Variants in RILPL1 observed in about 807,000 individuals in gnomAD.
RILPL1 encodes the protein RILP-like protein 1.
In RILPL1, 33 loss-of-function variants were observed where a neutral mutation model predicts 50.3. The ratio of observed to expected loss-of-function variants is 0.66; its 90% CI spans 0.50 to 0.88. The LOEUF (loss-of-function observed/expected upper bound fraction) is 0.88, where lower values mean the gene tolerates loss of function less well. Among genes scored for constraint, RILPL1 ranks in the 40% least tolerant of loss-of-function variants. The pLI, the probability that RILPL1 is intolerant of heterozygous loss-of-function variation, is 0.00. For missense variants in RILPL1, 418 were observed against 542.5 expected (o/e 0.77, Z 2.28); for synonymous variants, 205 against 228.6 (o/e 0.90, Z 0.93).
rs1182054540 is a variant in RILPL1, at chr12:123,489,037, G to A, written c.802-3232C>T. On this transcript the variant is annotated intron_variant, in intron 4 of 6. Coordinates refer to ENST00000376874, the MANE Select transcript of RILPL1 (RefSeq NM_178314.5). The surrounding 1 kb of genome is among the most constrained non-coding windows in gnomAD (Gnocchi z 4.0). ...TCTCCACCCAAGACCACATACAACAGGTGACGGATATGCGGCCGGCATTCA... is the reference window on the plus strand; with the variant it reads ...TCTCCACCCAAGACCACATACAACAAGTGACGGATATGCGGCCGGCATTCA... Among the ~76,000 whole-genome samples the A allele has an allele frequency of 6.6e-6, 1 of 152,130 alleles. No individual in the cohort carries two copies. The highest frequency in any genetic ancestry group is 1.5e-5 in the Non-Finnish European group (1 of 68,026).
rs1881225338 is a variant in RILPL1 at position 123,472,066 on chromosome 12, A to C, written c.*472T>G. The C allele has an allele frequency of 6.0e-6, 1 of 165,720 alleles. No homozygotes were observed. The highest frequency in any genetic ancestry group is 2.4e-5 in the African/African-American group (1 of 41,822). The allele number at this position is 165,720 out of a possible 1,614,324, so 10.3% of individuals were successfully genotyped here. A position where few individuals can be genotyped will look rare whatever the true frequency, so the allele number is the denominator to read the frequency against. On this transcript the variant is annotated 3_prime_UTR_variant, in exon 7 of 7. Transcript: ENST00000376874. ...TCTGCCTGATGGATACATTCTGTATAATACGTTACCATCACAATTTCATGA... is the reference window on the plus strand; with the variant it reads ...TCTGCCTGATGGATACATTCTGTATCATACGTTACCATCACAATTTCATGA...
At chr12:123,494,031 C>T (rs1296540453) in intron 4 of RILPL1, among the ~76,000 whole-genome samples, 1 of 152,020 alleles carries the variant, frequency 6.6e-6, no homozygotes, top group Non-Finnish European at 1.5e-5. Context: ...GTGATCCACC[C>T]GCCTTGGCCT....
At chr12:123,492,770 C>A (rs1420282751) in intron 4 of RILPL1, among the ~76,000 whole-genome samples, 1 of 152,140 alleles carries the variant, frequency 6.6e-6, no homozygotes, top group African/African-American at 2.4e-5. Context: ...CTATGACTTA[C>A]CCCCAACCCC....
chr12:123,533,041 T>C lies in RILPL1; in HGVS notation c.309+133A>G. On this transcript the variant is annotated intron_variant, in intron 1 of 6. Coordinates refer to ENST00000376874, the MANE Select transcript of RILPL1 (RefSeq NM_178314.5). The surrounding 1 kb of genome is among the most constrained non-coding windows in gnomAD (Gnocchi z 6.2). ...AAAAGAAGGCCAGGGCCTCCCTCCC[T>C]CCCCACGTCGGGTCTCCTCTGGTCC... The C allele has an allele frequency of 1.0e-6, 1 of 973,220 alleles. No homozygotes were observed. The highest frequency in any genetic ancestry group is 1.5e-6 in the Non-Finnish European group (1 of 680,882). The allele number at this position is 973,220 out of a possible 1,614,324, so 60.3% of individuals were successfully genotyped here.
chr12:123,500,899 GT>G (rs1213592293), intron 2 of RILPL1, among the ~76,000 whole-genome samples: 1 of 151,034 alleles, frequency 6.6e-6, no homozygotes, highest in African/African-American at 2.4e-5. Context: ...GAGGTCAGGA[GT>G]TTGAGACCAG....
Position 123,521,116 on chromosome 12 carries a change from G to A in RILPL1, c.460+2379C>T, listed in dbSNP as rs1884985005. Among the ~76,000 whole-genome samples the A allele has an allele frequency of 2.0e-5, 3 of 152,178 alleles. No individual in the cohort carries two copies. In the South Asian group the frequency reaches 6.2e-4, roughly 31 times the overall value. Reference sequence around the variant, plus strand: ...CAATCAGTAGGTTGGACTGGATAATGATAACCCGTAGTAATAAGAGCTAAT... The same window carrying A: ...CAATCAGTAGGTTGGACTGGATAATAATAACCCGTAGTAATAAGAGCTAAT... On this transcript the variant is annotated intron_variant, in intron 2 of 6. Transcript: ENST00000376874.
Position 123,533,530 on chromosome 12 carries a change from C to G in RILPL1, c.-48G>C. ...CCGCCCCGCAAACTCGTGCAACTCC[C>G]AAACTTGCCGCTGTCGAGGGCCGGG... is the stretch of plus-strand genomic sequence containing the variant. On this transcript the variant is annotated 5_prime_UTR_variant, in exon 1 of 7. Transcript: ENST00000376874. The surrounding 1 kb of genome is among the most constrained non-coding windows in gnomAD (Gnocchi z 6.2). 7.0e-7 allele frequency: 1 copy of G among 1,424,454 alleles called. No homozygotes were observed. The highest frequency in any genetic ancestry group is 9.3e-7 in the Non-Finnish European group (1 of 1,080,450). 88.2% of individuals were successfully genotyped at this position (1,424,454 alleles called of 1,614,324 possible).
chr12:123,478,138 A>G (rs1881724867), intron 6 of RILPL1, among the ~76,000 whole-genome samples: 1 of 145,366 alleles, frequency 6.9e-6, no homozygotes, highest in African/African-American at 2.8e-5. Flanking sequence ...CTGGGACTAC[A>G]AGCATGTGCC....
At chr12:123,480,833 T>A (rs1243563673) in intron 6 of RILPL1, among the ~76,000 whole-genome samples, 1 of 152,182 alleles carries the variant, frequency 6.6e-6, no homozygotes, top group East Asian at 1.9e-4. Flanking sequence ...AGCACTCTGA[T>A]ATTGCTTGGG....
intron 2 of RILPL1, among the ~76,000 whole-genome samples, chr12:123,500,544 C>T (rs370318153): frequency 2.0e-5 from 3 of 151,930 alleles, no homozygotes; most frequent in African/African-American, 7.2e-5. Context: ...CTCGGCCTCC[C>T]GAAGTGCTGG....
intron 4 of RILPL1, among the ~76,000 whole-genome samples, chr12:123,496,571 A>G (rs1883048361): frequency 6.6e-6 from 1 of 152,102 alleles, no homozygotes; most frequent in East Asian, 1.9e-4. Flanking sequence ...GTGTGTCCCT[A>G]AAGTTCACTA....
chr12:123,486,617 C>T (rs1409363690), intron 4 of RILPL1, among the ~76,000 whole-genome samples: 1 of 152,214 alleles, frequency 6.6e-6, no homozygotes, highest in Non-Finnish European at 1.5e-5. Context: ...ACATTTTCTT[C>T]ATACCAAAAG....
At chr12:123,512,876 CTGTG>C (rs143209721) in intron 2 of RILPL1, among the ~76,000 whole-genome samples, 35 of 109,848 alleles carry the variant, frequency 3.2e-4, no homozygotes, top group Non-Finnish European at 3.6e-4. Flanking sequence ...TGTGTGAGGT[CTGTG>C]TGTGTGTGGT....
intron 2 of RILPL1, among the ~76,000 whole-genome samples, chr12:123,507,993 C>T (rs1447451895): frequency 6.7e-6 from 1 of 149,742 alleles, no homozygotes; most frequent in African/African-American, 2.5e-5. Flanking sequence ...CAGTGGTTGC[C>T]TAGGGCTAGG....
chr12:123,521,614 T>C (rs1404827320), intron 2 of RILPL1, among the ~76,000 whole-genome samples: 9 of 21,904 alleles, frequency 4.1e-4, no homozygotes, highest in Admixed American at 5.5e-4. Context: ...TATACACACA[T>C]ATGTGTATAT....
intron 5 of RILPL1, 104 bp from the exon 6 acceptor site, chr12:123,484,376 T>G (rs1390551776): frequency 3.8e-6 from 3 of 785,302 alleles, no homozygotes; most frequent in Non-Finnish European, 6.7e-6. Context: ...TGCATGCTTT[T>G]TAGGGGACCC....
intron 2 of RILPL1, among the ~76,000 whole-genome samples, chr12:123,510,899 GTGTGTATT>G (rs1884093810): frequency 6.8e-6 from 1 of 147,208 alleles, no homozygotes; most frequent in Non-Finnish European, 1.5e-5. Flanking sequence ...GTCTGTGTGT[GTGTGTATT>G]GTGTGAGGTC....
Position 123,485,606 on chromosome 12 carries a change from G to A in RILPL1, c.974+27C>T, listed in dbSNP as rs751524641. On this transcript the variant is annotated intron_variant, in intron 5 of 6. Coordinates refer to ENST00000376874, the MANE Select transcript of RILPL1 (RefSeq NM_178314.5). This position sits in a 1 kb window ranked among gnomAD's most constrained non-coding sequence, Gnocchi z 4.0. ...GCTAACCTCAGTAAGGAGCCAGCTC[G>A]GGCCATCCAGCCCCAGGGACACTTG... 2.5e-6 allele frequency: 4 copies of A among 1,608,380 alleles called. No individual in the cohort carries two copies. Among genetic ancestry groups the A allele is most frequent in the Non-Finnish European group, 3.4e-6 (4 of 1,177,398 alleles).
chr12:123,512,816 T>TGG (rs1884436501), intron 2 of RILPL1, among the ~76,000 whole-genome samples: 1 of 142,376 alleles, frequency 7.0e-6, no homozygotes. Context: ...GTGTGAGATC[T>TGG]GTGTATGTGT....
Sources: gnomAD v4.1 joint callset for allele counts (sites outside exome capture counted in the v4.1 genomes callset) on GRCh38, gnomAD v4.1.1 for gene constraint, Gnocchi (gnomAD v3.1) non-coding constraint, MANE v1.5 for transcripts, NCBI Gene and HGNC (gene_info 2026-07-23, HGNC 2026-07-21) for gene names.